Variants in GLT8D2 observed in about 807,000 individuals in gnomAD.
GLT8D2 encodes glycosyltransferase 8 domain containing 2.
A neutral mutation model predicts 44.5 loss-of-function variants in GLT8D2; 45 were observed. The ratio of observed to expected loss-of-function variants is 1.01; its 90% CI spans 0.80 to 1.30. The LOEUF (loss-of-function observed/expected upper bound fraction) is 1.30. Ranked by LOEUF, GLT8D2 falls within the 50% of genes most tolerant of loss-of-function variation. The pLI is 0.00. For missense variants in GLT8D2, 400 were observed against 430.4 expected, an observed-to-expected ratio of 0.93 and a Z score of 0.62; for synonymous variants, 156 against 157.2, an observed-to-expected ratio of 0.99 and a Z score of 0.06.
chr12:104,053,883 C>CAA (rs10642482), upstream of GLT8D2, among the ~76,000 whole-genome samples: 39,702 of 140,098 alleles, frequency 0.28, 7,409 homozygotes, highest in African/African-American at 0.53. Context: ...GACTCCGTCT[C>CAA]AAAAAAAAAA....
intron 1 of GLT8D2, among the ~76,000 whole-genome samples, chr12:104,023,002 A>G (rs1195808003): frequency 6.6e-6 from 1 of 152,254 alleles, no homozygotes; most frequent in Non-Finnish European, 1.5e-5. Flanking sequence ...TTCAGAGCAT[A>G]AAGAATTGGC....
At chr12:104,030,063 G>A (rs1879066702) in intron 1 of GLT8D2, among the ~76,000 whole-genome samples, 1 of 152,098 alleles carries the variant, frequency 6.6e-6, no homozygotes, top group Non-Finnish European at 1.5e-5. Flanking sequence ...AAAACTGAAG[G>A]CATCACATTT....
At chr12:104,009,437 C>G (rs1351675319) in intron 4 of GLT8D2, among the ~76,000 whole-genome samples, 2 of 152,196 alleles carry the variant, frequency 1.3e-5, no homozygotes, top group African/African-American at 4.8e-5. Context: ...ACCTGTACCC[C>G]CACTGTATCT....
Position 103,991,726 on chromosome 12 carries a change from A to G in GLT8D2, c.880+1666T>C, listed in dbSNP as rs118075389. 8.5e-3 allele frequency among the ~76,000 whole-genome samples: 1,295 copies of G among 151,932 alleles called. 8 individuals carry two copies. The highest frequency in any genetic ancestry group is 0.02 in the Middle Eastern group (6 of 294). Reference sequence around the variant, plus strand: ...CTGTGGCACTCTTTTGTGCATATACATGCTCAGGAAAATCAGAGGATTCTG... The same window carrying G: ...CTGTGGCACTCTTTTGTGCATATACGTGCTCAGGAAAATCAGAGGATTCTG... On this transcript the variant is annotated intron_variant, in intron 10 of 10. Coordinates refer to ENST00000360814, the MANE Select transcript of GLT8D2 (RefSeq NM_001384711.1).
chr12:104,036,226 T>C (rs987013324), intron 1 of GLT8D2, among the ~76,000 whole-genome samples: 3 of 152,156 alleles, frequency 2.0e-5, no homozygotes, highest in Non-Finnish European at 4.4e-5. Flanking sequence ...GTAAAGACCA[T>C]CGATGCTAGG....
intron 2 of GLT8D2, among the ~76,000 whole-genome samples, chr12:104,020,237 C>A (rs1052821959): frequency 2.0e-5 from 3 of 151,928 alleles, no homozygotes; most frequent in East Asian, 3.9e-4. Flanking sequence ...TTTTTTTTAA[C>A]CTCTTGTAAA....
chr12:104,022,801 C>T (rs919104812), intron 1 of GLT8D2, among the ~76,000 whole-genome samples: 1 of 152,076 alleles, frequency 6.6e-6, no homozygotes, highest in African/African-American at 2.4e-5. Context: ...CACACACACA[C>T]ACGATGCATT....
chr12:104,056,394 A>C lies in GLT8D2; in HGVS notation c.-422-6106T>G, dbSNP rs142821198. Among the ~76,000 whole-genome samples the C allele has an allele frequency of 7.4e-3, 1,132 of 152,212 alleles. 9 individuals carry two copies. The highest frequency in any genetic ancestry group is 0.017 in the Middle Eastern group (5 of 294). On this transcript the variant is annotated intron_variant, in intron 1 of 10. Transcript: ENST00000548660. ...CCTCAATTGAGATTAAAGACATTGC[A>C]ATTTACACTCTTGGCTGAAAACACA...
rs544070118 is a variant in GLT8D2 at position 104,016,582 on chromosome 12, C to T, written c.20-1477G>A. Among the ~76,000 whole-genome samples, 9 of 148,626 alleles carry T rather than the reference C, an allele frequency of 6.1e-5. No individual in the cohort carries two copies. The East Asian group carries it at 1.4e-3, about 23-fold the overall frequency. The stretch of plus-strand genomic sequence containing the variant: ...CTGGGAGGCAGAGGTTGCAGTGAGC[C>T]GAGATCATGCCACTGCACTCCAGTC... On this transcript the variant is annotated intron_variant, in intron 3 of 10. Coordinates refer to ENST00000360814, the MANE Select transcript of GLT8D2 (RefSeq NM_001384711.1).
intron 1 of GLT8D2, among the ~76,000 whole-genome samples, chr12:104,026,525 A>G (rs1386105670): frequency 6.6e-6 from 1 of 152,200 alleles, no homozygotes; most frequent in African/African-American, 2.4e-5. Context: ...TTTACAATGT[A>G]TCTATCTATA....
intron 1 of GLT8D2, among the ~76,000 whole-genome samples, chr12:104,040,364 T>C (rs1355743317): frequency 6.6e-6 from 1 of 152,174 alleles, no homozygotes; most frequent in Non-Finnish European, 1.5e-5. Context: ...CACTCACTGT[T>C]ATTCAAATGA....
intron 1 of GLT8D2, among the ~76,000 whole-genome samples, chr12:104,040,484 C>T (rs1445366891): frequency 1.3e-5 from 2 of 152,004 alleles, no homozygotes; most frequent in Non-Finnish European, 2.9e-5. Flanking sequence ...GGAGTGCAGT[C>T]GCTTGATCTT....
chr12:103,999,414 G>T lies in GLT8D2; in HGVS notation c.385C>A (p.Pro129Thr). Residue 129 changes from proline to threonine, a missense_variant, in exon 6 of 11, where the codon CCT becomes ACT. Coordinates refer to ENST00000360814, the MANE Select transcript of GLT8D2 (RefSeq NM_001384711.1). ...CTACTTACAGGCTGGAGCAATTCAG[G>T]CCTCGATGAGTCTGGTCTGATCTTC... ...KGKIRPDSSRPELLQPLNFVR... is the reference protein window; with the variant it reads ...KGKIRPDSSRTELLQPLNFVR... 6.2e-7 allele frequency: 1 copy of T among 1,607,754 alleles called. No homozygotes were observed.
chr12:104,048,506 A>G (rs1335415890), intron 1 of GLT8D2, among the ~76,000 whole-genome samples: 1 of 152,252 alleles, frequency 6.6e-6, no homozygotes, highest in Non-Finnish European at 1.5e-5. Context: ...GGGAACTAGA[A>G]ATGAAAACTA....
chr12:104,029,638 A>G (rs1879009892), intron 1 of GLT8D2: 1 of 152,230 alleles, frequency 6.6e-6, no homozygotes, highest in Non-Finnish European at 1.5e-5. Flanking sequence ...AATGAAGGTA[A>G]TATAAGGCTT....
chr12:104,012,184 AAAAAAATATAT>A lies in GLT8D2; in HGVS notation c.112+2818_112+2828del, dbSNP rs1189555528. 5.8e-5 allele frequency among the ~76,000 whole-genome samples: 5 copies of A among 85,556 alleles called. No individual in the cohort carries two copies. The East Asian group carries it at 1.5e-3, about 25-fold the overall frequency. The allele number at this position is 85,556 out of a possible 152,430, so 56.1% of individuals were successfully genotyped here. On this transcript the variant is annotated intron_variant, in intron 4 of 10. Coordinates refer to ENST00000360814, the MANE Select transcript of GLT8D2 (RefSeq NM_001384711.1). ...AAACTCTGTCTCAAAAAAAAAAAAA[AAAAAAATATAT>A]ATATATATATATATATACCTTAAAC...
Position 104,015,090 on chromosome 12 carries a change from A to G in GLT8D2, c.35T>C (p.Leu12Pro). ...ACAGAGGGTCACGATCAGAAGGAAC[A>G]GCAGCACCTGATTAACTGAAATAGA... ...ALLRKINQVL[L>P]FLLIVTLCVI... The change falls in exon 4 of 11, where the codon CTG (leucine) becomes CCG (proline). Residue 12 changes from leucine to proline, a missense_variant. By Grantham distance (98) the Leu-to-Pro change is moderately conservative. Coordinates refer to ENST00000360814, the MANE Select transcript of GLT8D2 (RefSeq NM_001384711.1). The G allele has an allele frequency of 1.2e-6, 2 of 1,613,272 alleles. No homozygotes were observed. The highest frequency in any genetic ancestry group is 1.1e-5 in the South Asian group (1 of 91,054).
At position 103,997,469 on chromosome 12, in the gene GLT8D2, C is replaced by T. The variant is rs937732863; in HGVS notation, c.469G>A (p.Asp157Asn). Reference protein sequence around the residue: ...HQHEKVIYLDDDVIVQGDIQE... With the variant: ...HQHEKVIYLDNDVIVQGDIQE... ...AGAGTACCTTGTACAATTACATCAT[C>T]GTCCAAATAGATGACTTTCTCGTGT... The change falls in exon 7 of 11, where the codon GAT (aspartate) becomes AAT (asparagine). Residue 157 changes from aspartate to asparagine, a missense_variant. Physicochemically the swap from Asp to Asn is conservative, Grantham distance 23. Transcript: ENST00000360814. The T allele has an allele frequency of 1.9e-5, 31 of 1,612,022 alleles. No homozygotes were observed. The highest frequency in any genetic ancestry group is 2.4e-5 in the Non-Finnish European group (28 of 1,178,206).
At chr12:104,007,266 C>CTCTCTA (rs1555277856) in intron 4 of GLT8D2, among the ~76,000 whole-genome samples, 7 of 133,348 alleles carry the variant, frequency 5.2e-5, no homozygotes, top group African/African-American at 1.9e-4. Flanking sequence ...CTCTCTCTCT[C>CTCTCTA]CCCCCGCTCT....
Sources: allele counts gnomAD v4.1 joint callset (sites outside exome capture counted in the v4.1 genomes callset), GRCh38; gene constraint gnomAD v4.1.1; transcripts MANE v1.5; gene names NCBI Gene and HGNC (gene_info 2026-07-23, HGNC 2026-07-21).